The following STEAP1 variants were observed in gnomAD, a reference collection of about 807,000 sequenced individuals.
The protein encoded by STEAP1 is STEAP family member 1.
STEAP1 carries 30 observed loss-of-function variants against 34.4 expected under a neutral mutation model. The ratio of observed to expected loss-of-function variants is 0.87; its 90% CI spans 0.65 to 1.18. The LOEUF (loss-of-function observed/expected upper bound fraction) is 1.18. Ranked by LOEUF, STEAP1 falls within the 50% of genes most tolerant of loss-of-function variation. The pLI, the probability that STEAP1 is intolerant of heterozygous loss-of-function variation, is 0.00. For synonymous variants in STEAP1, 116 were observed against 135.3 expected, an observed-to-expected ratio of 0.86 and a Z score of 0.99; for missense variants, 318 against 391.1, an observed-to-expected ratio of 0.81 and a Z score of 1.58.
Position 90,161,311 on chromosome 7 carries a change from T to G in STEAP1, c.591T>G (p.Tyr197Ter). 2.5e-6 allele frequency: 4 copies of G among 1,611,696 alleles called. No homozygotes were observed. The highest frequency in any genetic ancestry group is 2.5e-6 in the Non-Finnish European group (3 of 1,178,472). Reference sequence around the variant, plus strand: ...GATACAAGTTGCTAAACTGGGCATATCAACAGGTAAGATGACAGTGTTGAC... The same window carrying G: ...GATACAAGTTGCTAAACTGGGCATAGCAACAGGTAAGATGACAGTGTTGAC... The part of the protein sequence containing the change: ...SYRYKLLNWA[Y>*]QQVQQNKEDA... The change falls in exon 3 of 5, where the codon TAT becomes TAG. Residue 197 changes from tyrosine to a stop codon, truncating the protein, a stop_gained. Transcript: ENST00000297205. LOFTEE classifies it high-confidence loss of function.
At chr7:90,162,736 T>G (rs960920715) in intron 4 of STEAP1, among the ~76,000 whole-genome samples, 3 of 152,210 alleles carry the variant, frequency 2.0e-5, no homozygotes, top group Non-Finnish European at 4.4e-5. Flanking sequence ...AAATATTCTT[T>G]TACCTGTCAC....
At position 90,164,720 on chromosome 7, in the gene STEAP1, T is replaced by C. The variant is rs1794232313; in HGVS notation, c.1006T>C (p.Cys336Arg). Reference protein sequence around the residue: ...DVTKINKTEICSQL With the variant: ...DVTKINKTEIRSQL ...CACCAAAATTAACAAAACTGAGATA[T>C]GTTCCCAGTTGTAGAATTACTGTTT... The change falls in exon 5 of 5, where the codon TGT becomes CGT. Residue 336 changes from cysteine to arginine, a missense_variant. Cys to Arg is a radical substitution (Grantham distance 180, BLOSUM62 -3). Coordinates refer to ENST00000297205, the MANE Select transcript of STEAP1 (RefSeq NM_012449.3). 3 of 1,610,938 alleles carry C rather than the reference T, an allele frequency of 1.9e-6. No homozygotes were observed. Among genetic ancestry groups the C allele is most frequent in the East Asian group, 2.2e-5 (1 of 44,804 alleles).
chr7:90,155,816 C>T (rs1451125731), intron 1 of STEAP1, among the ~76,000 whole-genome samples: 2 of 152,178 alleles, frequency 1.3e-5, no homozygotes, highest in African/African-American at 2.4e-5. Context: ...TCCAGGGCCA[C>T]TCTGGTTTTC....
rs1199489169 is a variant in STEAP1, at chr7:90,161,031, A to G, written c.311A>G (p.Gln104Arg). ...CACCCTTTAGCAACTTCCCATCAAC[A>G]ATATTTTTATAAAATTCCAATCCTG... ...VIHPLATSHQ[Q>R]YFYKIPILVI... The change falls in exon 3 of 5, where the codon CAA (glutamine) becomes CGA (arginine). Residue 104 changes from glutamine (Q) to arginine (R), a missense_variant. Gln to Arg is a conservative substitution (Grantham distance 43). Coordinates refer to ENST00000297205, the MANE Select transcript of STEAP1 (RefSeq NM_012449.3). The G allele has an allele frequency of 1.2e-5, 20 of 1,613,878 alleles. No individual in the cohort carries two copies. The highest frequency in any genetic ancestry group is 1.7e-5 in the Non-Finnish European group (20 of 1,179,878).
intron 2 of STEAP1, 55 bp downstream of exon 2, chr7:90,159,927 T>C: frequency 8.1e-7 from 1 of 1,228,796 alleles, no homozygotes; most frequent in Non-Finnish European, 1.1e-6. Context: ...TAAACATAAT[T>C]CAGATGCCAT....
chr7:90,161,587 C>T (rs1444565878), intron 3 of STEAP1, among the ~76,000 whole-genome samples: 1 of 152,072 alleles, frequency 6.6e-6, no homozygotes, highest in African/African-American at 2.4e-5. Context: ...CAAACTTCTA[C>T]CACCCTCACA....
chr7:90,157,757 A>G (rs1794133865), intron 1 of STEAP1, among the ~76,000 whole-genome samples: 1 of 152,254 alleles, frequency 6.6e-6, no homozygotes, highest in Admixed American at 6.5e-5. Flanking sequence ...AAATGTTGGC[A>G]TATGTAAAAG....
chr7:90,162,689 A>AG, intron 4 of STEAP1, among the ~76,000 whole-genome samples: 1 of 152,268 alleles, frequency 6.6e-6, no homozygotes, highest in East Asian at 1.9e-4. Context: ...GTGATATTTT[A>AG]GGAATCCAAT....
intron 3 of STEAP1, 140 bp downstream of exon 3, chr7:90,161,457 A>T (rs1794185468): frequency 9.2e-7 from 1 of 1,085,814 alleles, no homozygotes; most frequent in African/African-American, 1.6e-5. Flanking sequence ...AATTTTTATT[A>T]TAATTACACT....
At chr7:90,159,237 C>G (rs1392983599) in intron 1 of STEAP1, among the ~76,000 whole-genome samples, 2 of 152,156 alleles carry the variant, frequency 1.3e-5, no homozygotes, top group Non-Finnish European at 2.9e-5. Context: ...ACTAGCAATT[C>G]ACATCTTCCA....
intron 1 of STEAP1, among the ~76,000 whole-genome samples, chr7:90,158,448 A>T (rs1322841991): frequency 1.3e-5 from 2 of 149,648 alleles, no homozygotes; most frequent in Non-Finnish European, 3.0e-5. Context: ...TCTATTTCTA[A>T]TTTTTTTTTT....
chr7:90,155,946 C>T (rs1013861555), intron 1 of STEAP1, among the ~76,000 whole-genome samples: 2 of 152,182 alleles, frequency 1.3e-5, no homozygotes, highest in African/African-American at 4.8e-5. Flanking sequence ...TCCCATGCCA[C>T]CATCTGCCTG....
chr7:90,161,736 T>C (rs1330572888), intron 3 of STEAP1, among the ~76,000 whole-genome samples, 178 bp from the exon 4 acceptor site: 1 of 150,496 alleles, frequency 6.6e-6, no homozygotes, highest in African/African-American at 2.5e-5. Flanking sequence ...AAAAAAGTGA[T>C]AGCTCCTATG....
At chr7:90,158,334 CTTA>C (rs925720441) in intron 1 of STEAP1, among the ~76,000 whole-genome samples, 6 of 152,262 alleles carry the variant, frequency 3.9e-5, no homozygotes, top group East Asian at 3.9e-4. Flanking sequence ...ACTTTATTAA[CTTA>C]TTGTTTTTAC....
chr7:90,158,035 A>G (rs1450864064), intron 1 of STEAP1, among the ~76,000 whole-genome samples: 2 of 152,256 alleles, frequency 1.3e-5, no homozygotes, highest in African/African-American at 2.4e-5. Flanking sequence ...TTGAAACACA[A>G]TAGTAAGTAT....
At chr7:90,157,348 A>T (rs1000363727) in intron 1 of STEAP1, among the ~76,000 whole-genome samples, 3 of 152,166 alleles carry the variant, frequency 2.0e-5, no homozygotes, top group African/African-American at 7.2e-5. Context: ...TCCTTCTTAG[A>T]GCATGGAGAA....
At chr7:90,162,219 C>T in intron 4 of STEAP1, 141 bp downstream of exon 4, 3 of 1,304,178 alleles carry the variant, frequency 2.3e-6, no homozygotes, top group Non-Finnish European at 3.0e-6. Context: ...TAATAATGTG[C>T]TCTCCTGTTG....
chr7:90,158,565 C>T (rs1334197891), intron 1 of STEAP1, among the ~76,000 whole-genome samples: 1 of 152,046 alleles, frequency 6.6e-6, no homozygotes, highest in Non-Finnish European at 1.5e-5. Flanking sequence ...TATATCTTGT[C>T]CCACTGGAAG....
chr7:90,163,642 C>T (rs545957706), intron 4 of STEAP1, among the ~76,000 whole-genome samples: 2 of 152,178 alleles, frequency 1.3e-5, no homozygotes, highest in East Asian at 3.9e-4. Context: ...ATTGTGAGTT[C>T]GATTTGTTCT....
Sources: gnomAD v4.1 joint callset for allele counts (sites outside exome capture counted in the v4.1 genomes callset) on GRCh38, gnomAD v4.1.1 for gene constraint, MANE v1.5 for transcripts, NCBI Gene and HGNC (gene_info 2026-07-23, HGNC 2026-07-21) for gene names.